Variants in EYS observed in about 807,000 individuals in gnomAD.
EYS encodes the protein protein eyes shut homolog.
A neutral mutation model predicts 282.1 loss-of-function variants in EYS; 250 were observed. That is an observed-to-expected ratio of 0.89 (90% CI 0.80 to 0.98). The LOEUF (loss-of-function observed/expected upper bound fraction) is 0.98. Ranked by LOEUF, EYS falls within the 50% of genes least tolerant of loss-of-function variation. The probability of loss-of-function intolerance (pLI) is 0.00; values close to 1 mark genes in which losing one functional copy is unlikely to be tolerated. For synonymous variants in EYS, 1,355 were observed against 1,282.9 expected (o/e 1.06, Z -1.20); for missense variants, 4,016 against 3,709.0 (o/e 1.08, Z -2.15).
intron 1 of EYS, among the ~76,000 whole-genome samples, chr6:65,693,557 A>G (rs1413019388): frequency 6.7e-6 from 1 of 149,698 alleles, no homozygotes; most frequent in Non-Finnish European, 1.5e-5. Flanking sequence ...GTTACAAAAA[A>G]AACCTATTTT....
chr6:64,012,273 T>C (rs1039310582), intron 33 of EYS, among the ~76,000 whole-genome samples: 3 of 152,172 alleles, frequency 2.0e-5, no homozygotes, highest in East Asian at 1.9e-4. Flanking sequence ...TTTAAAAGAA[T>C]CTTCTTAGGC....
chr6:65,295,710 G>A, intron 12 of EYS, 153 bp downstream of exon 12: 1 of 582,864 alleles, frequency 1.7e-6, no homozygotes, highest in Non-Finnish European at 2.7e-6. Flanking sequence ...TTATTCAAGT[G>A]AATGCATTTT....
At chr6:65,523,698 A>C (rs1262149983) in intron 2 of EYS, among the ~76,000 whole-genome samples, 1 of 152,202 alleles carries the variant, frequency 6.6e-6, no homozygotes, top group African/African-American at 2.4e-5. Context: ...TTTTTAAAAA[A>C]AAGTTTAAAT....
intron 31 of EYS, among the ~76,000 whole-genome samples, chr6:64,195,587 C>T (rs1309289569): frequency 6.6e-6 from 1 of 152,214 alleles, no homozygotes; most frequent in African/African-American, 2.4e-5. Context: ...GCATGAGCCA[C>T]TATGCCCAGC....
Position 64,902,166 on chromosome 6 carries a change from T to C in EYS, c.2793A>G (p.Glu931=), listed in dbSNP as rs561012891. Residue 931 remains glutamate (E), a synonymous_variant, in exon 18 of 43, where the codon GAA becomes GAG. Transcript: ENST00000503581. ...SGSLCEIEIN[E]CSSEPCKNNG... ...TATTTTTGCAAGGTTCAGAGGAACA[T>C]TCATTAATTTCAATTTCACACAGAG... The C allele has an allele frequency of 6.4e-7, 1 of 1,550,748 alleles. No homozygotes were observed. Among genetic ancestry groups the C allele is most frequent in the East Asian group, 2.4e-5 (1 of 40,850 alleles).
In EYS at chr6:63,991,643, AT is replaced by A. The variant is rs148069155; in HGVS notation, c.6835-7041del. Among the ~76,000 whole-genome samples, 409 of 151,702 alleles carry A rather than the reference AT, an allele frequency of 2.7e-3. 2 individuals are homozygous for A. Among genetic ancestry groups the A allele is most frequent in the African/African-American group, 9.4e-3 (391 of 41,468 alleles). On this transcript the variant is annotated intron_variant, in intron 34 of 42. Transcript: ENST00000503581. ...TAAAATTCAAAGACGGATCACTTGG[AT>A]GTCTCAAAAGGAGAAGAGAGAAAGA...
chr6:65,520,673 T>C (rs1022689076), intron 2 of EYS, among the ~76,000 whole-genome samples: 3 of 151,968 alleles, frequency 2.0e-5, no homozygotes, highest in African/African-American at 4.8e-5. Context: ...TATACATATA[T>C]ACATATATGT....
chr6:63,969,389 A>T (rs1182842258), intron 35 of EYS, among the ~76,000 whole-genome samples: 7 of 152,198 alleles, frequency 4.6e-5, no homozygotes, highest in Non-Finnish European at 1.0e-4. Context: ...ATTTGCATTT[A>T]AAAAAGAGCA....
At chr6:65,189,464 C>T (rs550379788) in intron 12 of EYS, among the ~76,000 whole-genome samples, 1 of 151,748 alleles carries the variant, frequency 6.6e-6, no homozygotes, top group Non-Finnish European at 1.5e-5. Context: ...AAGATCAATG[C>T]TGCTGAGTGC....
chr6:65,266,027 AAT>A (rs1767744098), intron 12 of EYS, among the ~76,000 whole-genome samples: 1 of 151,574 alleles, frequency 6.6e-6, no homozygotes, highest in South Asian at 2.1e-4. Flanking sequence ...TTAAGAAAAA[AAT>A]ATGTTTGCCT....
chr6:63,860,817 T>A (rs562753520), intron 36 of EYS, among the ~76,000 whole-genome samples: 16 of 152,310 alleles, frequency 1.1e-4, no homozygotes, highest in African/African-American at 3.8e-4. Flanking sequence ...GGTATGGTAC[T>A]GGCATTTAAT....
At chr6:63,722,632 G>A (rs988958990) in intron 42 of EYS, among the ~76,000 whole-genome samples, 1 of 152,128 alleles carries the variant, frequency 6.6e-6, no homozygotes, top group African/African-American at 2.4e-5. Flanking sequence ...AATGAACCAC[G>A]CAGAAGTCTC....
intron 2 of EYS, among the ~76,000 whole-genome samples, chr6:65,529,072 C>T (rs931344759): frequency 6.6e-6 from 1 of 152,010 alleles, no homozygotes; most frequent in African/African-American, 2.4e-5. Flanking sequence ...TCAAAATTAA[C>T]CGCCATCTTG....
At chr6:64,314,736 C>G (rs968079799) in intron 29 of EYS, among the ~76,000 whole-genome samples, 2 of 151,914 alleles carry the variant, frequency 1.3e-5, no homozygotes, top group African/African-American at 4.8e-5. Context: ...CCAATGAGAA[C>G]AAAGACACAA....
chr6:64,534,594 C>T (rs1243286174), intron 26 of EYS, among the ~76,000 whole-genome samples: 1 of 151,800 alleles, frequency 6.6e-6, no homozygotes, highest in African/African-American at 2.4e-5. Flanking sequence ...CTTGTCATTG[C>T]TCTTCTTTCC....
chr6:63,914,567 G>T (rs1764369682), intron 35 of EYS, among the ~76,000 whole-genome samples: 1 of 152,006 alleles, frequency 6.6e-6, no homozygotes, highest in African/African-American at 2.4e-5. Context: ...AATTAGTTGG[G>T]CATGGTTACA....
intron 22 of EYS, among the ~76,000 whole-genome samples, chr6:64,657,812 T>A (rs1768810361): frequency 6.6e-6 from 1 of 152,092 alleles, no homozygotes; most frequent in Non-Finnish European, 1.5e-5. Context: ...TCAACTTTGG[T>A]GAATCTGACA....
At position 64,704,333 on chromosome 6, in the gene EYS, T is replaced by C. The variant is rs1027440893; in HGVS notation, c.3444-78088A>G. Among the ~76,000 whole-genome samples, 4 of 145,782 alleles carry C rather than the reference T, an allele frequency of 2.7e-5. No homozygotes were observed. The East Asian group carries it at 6.2e-4, about 23-fold the overall frequency. On this transcript the variant is annotated intron_variant, in intron 22 of 42. Transcript: ENST00000503581. ...TGTATGTACTATATATAAATATATA[T>C]ACATATATAAAATAATTGCTACATT...
intron 29 of EYS, among the ~76,000 whole-genome samples, chr6:64,314,764 A>G (rs1360177075): frequency 6.6e-6 from 1 of 152,226 alleles, no homozygotes; most frequent in African/African-American, 2.4e-5. Context: ...TCTGGGACAC[A>G]TTTAAAGCAG....
Sources: gnomAD v4.1 joint callset for allele counts (sites outside exome capture counted in the v4.1 genomes callset) on GRCh38, gnomAD v4.1.1 for gene constraint, MANE v1.5 for transcripts, NCBI Gene and HGNC (gene_info 2026-07-23, HGNC 2026-07-21) for gene names.